FAM184A: variants seen among roughly 807,000 people sequenced by gnomAD.
FAM184A encodes family with sequence similarity 184 member A, also known as protein FAM184A.
FAM184A carries 99 observed loss-of-function variants against 143.8 expected under a neutral mutation model. The ratio of observed to expected loss-of-function variants is 0.69; its 90% CI spans 0.58 to 0.81. FAM184A has a LOEUF of 0.81. Ranked by LOEUF, FAM184A falls within the 40% of genes least tolerant of loss-of-function variation. The pLI is 0.00. For synonymous variants in FAM184A, 427 were observed against 446.4 expected, an observed-to-expected ratio of 0.96 and a Z score of 0.55; for missense variants, 1,217 against 1,310.5, an observed-to-expected ratio of 0.93 and a Z score of 1.10.
intron 14 of FAM184A, among the ~76,000 whole-genome samples, chr6:118,967,564 G>A (rs1318598767): frequency 6.6e-6 from 1 of 152,120 alleles, no homozygotes; most frequent in Non-Finnish European, 1.5e-5. Flanking sequence ...AGCCTATTCT[G>A]TCCTGAATGA....
chr6:119,014,940 T>C (rs1785193185), intron 5 of FAM184A, among the ~76,000 whole-genome samples: 1 of 151,806 alleles, frequency 6.6e-6, no homozygotes, highest in Non-Finnish European at 1.5e-5. Flanking sequence ...GCGCCTGTAG[T>C]CCCAGCTACT....
intron 16 of FAM184A, chr6:118,962,268 T>G: frequency 3.3e-6 from 1 of 305,326 alleles, no homozygotes; most frequent in Non-Finnish European, 6.1e-6. Context: ...AGAATACCCT[T>G]TTGGGAAGAA....
intron 2 of FAM184A, among the ~76,000 whole-genome samples, chr6:119,023,480 A>G (rs1785517907): frequency 6.6e-6 from 1 of 152,122 alleles, no homozygotes; most frequent in Admixed American, 6.5e-5. Flanking sequence ...TATTAGTGAA[A>G]GGAAAAGAAA....
At chr6:119,145,463 A>G in intron 1 of FAM184A, among the ~76,000 whole-genome samples, 1 of 152,200 alleles carries the variant, frequency 6.6e-6, no homozygotes, top group Non-Finnish European at 1.5e-5. Flanking sequence ...AGTGAGTGCC[A>G]GGAAAAAAAT....
At chr6:118,997,059 C>T (rs1784587795) in intron 9 of FAM184A, among the ~76,000 whole-genome samples, 1 of 151,422 alleles carries the variant, frequency 6.6e-6, no homozygotes, top group African/African-American at 2.4e-5. Flanking sequence ...CTTGCTATTC[C>T]CTCTACCTCA....
intron 16 of FAM184A, chr6:118,963,394 T>C (rs1783395076): frequency 6.6e-6 from 1 of 152,128 alleles, no homozygotes; most frequent in Admixed American, 6.5e-5. Context: ...AAATTATGAA[T>C]TAAAAAACTA....
At position 118,975,021 on chromosome 6, in the gene FAM184A, T is replaced by C. The variant is rs766842713; in HGVS notation, c.2768+3A>G. On this transcript the variant is annotated splice_donor_region_variant and intron_variant, in intron 13 of 17. Coordinates refer to ENST00000338891, the MANE Select transcript of FAM184A (RefSeq NM_024581.6). ...ATTCCTTCTGTTGTACTTAATGGCA[T>C]ACCTTATCTGTTGGTTAGATTCACT... 1 of 1,609,242 alleles carries C rather than the reference T, an allele frequency of 6.2e-7. No individual in the cohort carries two copies. The highest frequency in any genetic ancestry group is 1.1e-5 in the South Asian group (1 of 90,540).
chr6:119,090,623 T>G (rs10484579), intron 1 of FAM184A, among the ~76,000 whole-genome samples: 30,074 of 152,172 alleles, frequency 0.2, 4,515 homozygotes, highest in African/African-American at 0.42. Flanking sequence ...ATAGCTAGCT[T>G]CTGATTGTTA....
intron 16 of FAM184A, chr6:118,963,188 G>A (rs574102170): frequency 6.6e-6 from 1 of 152,156 alleles, no homozygotes; most frequent in Admixed American, 6.5e-5. Flanking sequence ...CTAGTCACCA[G>A]AGGGCATAAT....
chr6:119,101,256 G>A (rs937550104), intron 1 of FAM184A, among the ~76,000 whole-genome samples: 1 of 151,686 alleles, frequency 6.6e-6, no homozygotes, highest in South Asian at 2.1e-4. Flanking sequence ...TTTTTTAGTA[G>A]AGACGGGGTT....
chr6:118,960,777 G>A (rs1304623784), intron 17 of FAM184A: 1 of 1,364,188 alleles, frequency 7.3e-7, no homozygotes, highest in Non-Finnish European at 9.8e-7. Context: ...ACCGTCTTTG[G>A]GGAAAATTAC....
chr6:119,107,479 C>T (rs1048286967), intron 1 of FAM184A, among the ~76,000 whole-genome samples: 3 of 152,056 alleles, frequency 2.0e-5, no homozygotes, highest in Admixed American at 6.6e-5. Context: ...AGAGTTCATT[C>T]GGCTGGGCAC....
chr6:119,040,904 T>C (rs1175503280), intron 1 of FAM184A, among the ~76,000 whole-genome samples: 3 of 152,202 alleles, frequency 2.0e-5, no homozygotes, highest in Non-Finnish European at 2.9e-5. Context: ...GATTTATGTT[T>C]GAACTTTTGT....
At chr6:119,049,892 C>A (rs1420132761) in intron 1 of FAM184A, among the ~76,000 whole-genome samples, 3 of 152,126 alleles carry the variant, frequency 2.0e-5, no homozygotes, top group Admixed American at 1.3e-4. Context: ...TTAGAGTGAA[C>A]AAGCAACCTA....
chr6:119,103,862 G>A (rs921628310), intron 1 of FAM184A, among the ~76,000 whole-genome samples: 7 of 150,866 alleles, frequency 4.6e-5, no homozygotes, highest in African/African-American at 1.2e-4. Flanking sequence ...AGGAGGTGGA[G>A]GTTGCAGTGA....
intron 6 of FAM184A, among the ~76,000 whole-genome samples, chr6:119,008,282 C>T (rs768952803): frequency 3.9e-5 from 6 of 152,172 alleles, no homozygotes; most frequent in Middle Eastern, 3.2e-3. Flanking sequence ...TTCATTGAAA[C>T]GTAAACCAAT....
chr6:118,960,818 C>G (rs750341807), intron 17 of FAM184A: 1 of 1,365,806 alleles, frequency 7.3e-7, no homozygotes, highest in Non-Finnish European at 9.8e-7. Flanking sequence ...ATGGAAACTC[C>G]AGTAGTCATG....
chr6:118,997,707 A>G (rs577214106), intron 9 of FAM184A, among the ~76,000 whole-genome samples: 43 of 152,288 alleles, frequency 2.8e-4, no homozygotes, highest in Middle Eastern at 6.8e-3. Flanking sequence ...GGGGAAAAAA[A>G]AAACAAAAAC....
At chr6:118,983,368 T>TTA (rs1784075850) in intron 9 of FAM184A, among the ~76,000 whole-genome samples, 2 of 152,104 alleles carry the variant, frequency 1.3e-5, no homozygotes, top group Non-Finnish European at 2.9e-5. Flanking sequence ...ATGTAAAACT[T>TTA]TAACTCAAAA....
Sources: gnomAD v4.1 joint callset for allele counts (sites outside exome capture counted in the v4.1 genomes callset) on GRCh38, gnomAD v4.1.1 for gene constraint, MANE v1.5 for transcripts, NCBI Gene and HGNC (gene_info 2026-07-23, HGNC 2026-07-21) for gene names.